Variants in CX3CR1 observed in about 807,000 individuals in gnomAD.
CX3CR1 encodes C-X3-C motif chemokine receptor 1, also known as CX3C chemokine receptor 1.
For missense variants in CX3CR1, 363 were observed against 432.4 expected (o/e 0.84, Z 1.42); for synonymous variants, 168 against 178.5 (o/e 0.94, Z 0.47).
At chr3:39,280,463 A>G (rs2040883083), upstream of CX3CR1, 1 of 985,508 alleles carries the variant, frequency 1.0e-6, no homozygotes, top group Non-Finnish European at 1.2e-6. Flanking sequence ...CTGGGAGCTT[A>G]TTAAAGACAG....
At chr3:39,281,245 C>T, upstream of CX3CR1, 1 of 1,053,588 alleles carries the variant, frequency 9.5e-7, no homozygotes, top group South Asian at 3.2e-5. Context: ...CTTTCCCTGC[C>T]TTTGGCCAGA....
chr3:39,284,670 T>C (rs899622206), upstream of CX3CR1, among the ~76,000 whole-genome samples: 3 of 152,250 alleles, frequency 2.0e-5, no homozygotes, highest in Admixed American at 6.5e-5. Flanking sequence ...CATTGTCCAT[T>C]ATATCTCTTT....
At chr3:39,291,062 CT>C in the CX3CR1 span, among the ~76,000 whole-genome samples, 44 of 145,282 alleles carry the variant, frequency 3.0e-4, no homozygotes, top group South Asian at 2.2e-4. Flanking sequence ...CTTTTCTTTT[CT>C]TTTTTTTTTT....
upstream of CX3CR1, among the ~76,000 whole-genome samples, chr3:39,282,756 G>A (rs577582602): frequency 1.3e-5 from 2 of 152,290 alleles, no homozygotes; most frequent in African/African-American, 4.8e-5. Flanking sequence ...GTTCTTCTGT[G>A]GGCCCTGGAG....
At chr3:39,286,086 A>G (rs1456230223), upstream of CX3CR1, 1 of 152,240 alleles carries the variant, frequency 6.6e-6, no homozygotes, top group East Asian at 1.9e-4. Context: ...GTATAAGTGC[A>G]CCTACAAGAT....
At chr3:39,290,337 T>C in the CX3CR1 span, among the ~76,000 whole-genome samples, 4 of 151,914 alleles carry the variant, frequency 2.6e-5, no homozygotes, top group African/African-American at 9.7e-5. Context: ...CTCATGCCGA[T>C]CAGAGGTGGG....
At chr3:39,281,552 T>A, upstream of CX3CR1, 1 of 1,468,670 alleles carries the variant, frequency 6.8e-7, no homozygotes. Context: ...AGGGCCTGGA[T>A]AATTTCCCAA....
chr3:39,282,367 ATC>A (rs1402458607), upstream of CX3CR1, among the ~76,000 whole-genome samples: 1 of 152,140 alleles, frequency 6.6e-6, no homozygotes, highest in Non-Finnish European at 1.5e-5. Flanking sequence ...CCCCGTCTTC[ATC>A]TCTCTTTCTG....
chr3:39,266,161 TG>T lies in CX3CR1; in HGVS notation c.348del (p.Ser116ArgfsTer23). On this transcript the variant is annotated frameshift_variant, in exon 2 of 2. Coordinates refer to ENST00000399220, the MANE Select transcript of CX3CR1 (RefSeq NM_001337.4). LOFTEE classifies it low-confidence loss of function (END_TRUNC). ...ATGCTGATGACGGTGATGAAGAATA[TG>T]CTTCCAAAAAAGCCGATGAAGAAGA... ...TAFFFIGFFG[S>X]IFFITVISID... is the part of the protein sequence containing the mutation. 1 of 1,614,206 alleles carries T rather than the reference TG, an allele frequency of 6.2e-7. No homozygotes were observed. The highest frequency in any genetic ancestry group is 8.5e-7 in the Non-Finnish European group (1 of 1,180,038).
chr3:39,281,741 A>C, upstream of CX3CR1: 10 of 1,424,530 alleles, frequency 7.0e-6, no homozygotes, highest in Non-Finnish European at 9.7e-6. Context: ...GCCCCTTCTC[A>C]CTTCCTACTG....
Position 39,266,424 on chromosome 3 carries a change from A to C in CX3CR1, c.86T>G (p.Phe29Cys). ...EACYIGDIVV[F>C]GTVFLSIFYS... Reference sequence around the variant, plus strand: ...GAATATGGACAGGAACACAGTCCCAAAGACCACGATGTCCCCAATATAACA... The same window carrying C: ...GAATATGGACAGGAACACAGTCCCACAGACCACGATGTCCCCAATATAACA... Residue 29 changes from phenylalanine to cysteine, a missense_variant, in exon 2 of 2, where the codon TTT (phenylalanine) becomes TGT (cysteine). Coordinates refer to ENST00000399220, the MANE Select transcript of CX3CR1 (RefSeq NM_001337.4). 2 of 1,614,232 alleles carry C rather than the reference A, an allele frequency of 1.2e-6. No individual in the cohort carries two copies. Among genetic ancestry groups the C allele is most frequent in the Non-Finnish European group, 1.7e-6 (2 of 1,180,038 alleles).
In CX3CR1 at chr3:39,265,235, T is replaced by A; in HGVS notation, c.*207A>T. 1.9e-6 allele frequency: 1 copy of A among 526,500 alleles called. No individual in the cohort carries two copies. Among genetic ancestry groups the A allele is most frequent in the Non-Finnish European group, 3.3e-6 (1 of 304,236 alleles). 32.6% of individuals were successfully genotyped at this position (526,500 alleles called of 1,614,324 possible). ...CTGATGACATTTGCAGTAAGAGAAATGTCTACTCTTTGTCATTCAAAGAGT... is the reference window on the plus strand; with the variant it reads ...CTGATGACATTTGCAGTAAGAGAAAAGTCTACTCTTTGTCATTCAAAGAGT... On this transcript the variant is annotated 3_prime_UTR_variant, in exon 2 of 2. Transcript: ENST00000399220.
chr3:39,275,507 G>A (rs1011640665), intron 1 of CX3CR1, among the ~76,000 whole-genome samples: 2 of 152,214 alleles, frequency 1.3e-5, no homozygotes, highest in African/African-American at 4.8e-5. Flanking sequence ...GTGCTGGCAA[G>A]ACCTCTTACT....
the CX3CR1 span, among the ~76,000 whole-genome samples, chr3:39,290,883 T>C: frequency 6.6e-6 from 1 of 151,620 alleles, no homozygotes; most frequent in Non-Finnish European, 1.5e-5. Context: ...ATCGCGCCAT[T>C]GCACTCCAGC....
At chr3:39,275,337 G>T (rs12636547) in intron 1 of CX3CR1, among the ~76,000 whole-genome samples, 1 of 152,250 alleles carries the variant, frequency 6.6e-6, no homozygotes. Context: ...TAGTTTCTGT[G>T]GGAAGGTATG....
At chr3:39,283,796 T>TATAC (rs1491467190), upstream of CX3CR1, among the ~76,000 whole-genome samples, 6 of 8,116 alleles carry the variant, frequency 7.4e-4, no homozygotes, top group East Asian at 0.07. Flanking sequence ...AAAAAAAAAT[T>TATAC]ATATATATAT....
At chr3:39,285,530 T>C (rs2040937510), upstream of CX3CR1, among the ~76,000 whole-genome samples, 1 of 152,238 alleles carries the variant, frequency 6.6e-6, no homozygotes. Context: ...CAACAGTGAT[T>C]AAAAGCACTT....
intron 1 of CX3CR1, 158 bp from the exon 2 acceptor site, chr3:39,266,676 A>C (rs776600535): frequency 5.0e-6 from 4 of 798,722 alleles, no homozygotes; most frequent in Non-Finnish European, 8.9e-6. Context: ...TTTAATCCCC[A>C]CAACAGTCTT....
Position 39,263,615 on chromosome 3 carries a change from C to A in CX3CR1, c.*1827G>T, listed in dbSNP as rs866717917. 6.6e-6 allele frequency: 1 copy of A among 152,180 alleles called. No individual in the cohort carries two copies. The highest frequency in any genetic ancestry group is 1.5e-5 in the Non-Finnish European group (1 of 68,042). The allele number at this position is 152,180 out of a possible 1,614,324, so 9.4% of individuals were successfully genotyped here. A position where few individuals can be genotyped will look rare whatever the true frequency, so the allele number is the denominator to read the frequency against. On this transcript the variant is annotated 3_prime_UTR_variant, in exon 2 of 2. Transcript: ENST00000399220. ...AAGGAACATGACTTATTCTCTCATT[C>A]ATTATACAAACATATAGACTGCCAA...
Sources: gnomAD v4.1 joint callset for allele counts (sites outside exome capture counted in the v4.1 genomes callset) on GRCh38, gnomAD v4.1.1 for gene constraint, MANE v1.5 for transcripts, NCBI Gene and HGNC (gene_info 2026-07-23, HGNC 2026-07-21) for gene names.